Variants in SGPL1 observed in about 807,000 individuals in gnomAD.
SGPL1 encodes the protein SP-lyase 1.
SGPL1 carries 37 observed loss-of-function variants against 68.9 expected under a neutral mutation model. The observed-to-expected ratio is 0.54, with a 90% CI of 0.41 to 0.71. The LOEUF is 0.71. SGPL1 is among the 30% of genes least tolerant of loss of function. The probability of loss-of-function intolerance (pLI) is 0.00; values close to 1 mark genes in which losing one functional copy is unlikely to be tolerated. For synonymous variants in SGPL1, 236 were observed against 248.5 expected, an observed-to-expected ratio of 0.95 and a Z score of 0.47; for missense variants, 551 against 704.6, an observed-to-expected ratio of 0.78 and a Z score of 2.47.
chr10:70,852,272 A>G (rs1183814076), intron 4 of SGPL1, among the ~76,000 whole-genome samples: 1 of 152,222 alleles, frequency 6.6e-6, no homozygotes, highest in Non-Finnish European at 1.5e-5. Flanking sequence ...GCTGAAATCC[A>G]TTCAGATCGC....
At chr10:70,835,870 A>G (rs1414377087) in intron 2 of SGPL1, among the ~76,000 whole-genome samples, 1 of 152,220 alleles carries the variant, frequency 6.6e-6, no homozygotes, top group Non-Finnish European at 1.5e-5. Flanking sequence ...TCATTAGGGC[A>G]TTACTGTTTT....
intron 2 of SGPL1, among the ~76,000 whole-genome samples, chr10:70,838,111 A>T (rs1564620940): frequency 6.6e-6 from 1 of 152,180 alleles, no homozygotes; most frequent in Non-Finnish European, 1.5e-5. Context: ...TCAAATCATA[A>T]CAGGTAGTTA....
intron 7 of SGPL1, 35 bp from the exon 8 acceptor site, chr10:70,868,310 C>G (rs1261593264): frequency 6.8e-7 from 1 of 1,474,534 alleles, no homozygotes; most frequent in Non-Finnish European, 9.4e-7. Flanking sequence ...GCATTCCTGA[C>G]TCCCCCAACA....
chr10:70,849,109 T>C (rs1040089782), intron 3 of SGPL1, among the ~76,000 whole-genome samples: 3 of 152,196 alleles, frequency 2.0e-5, no homozygotes, highest in African/African-American at 7.2e-5. Context: ...TTCCACAAAA[T>C]TAGTTTATTC....
chr10:70,816,492 C>G (rs1203242754), intron 1 of SGPL1, among the ~76,000 whole-genome samples: 1 of 152,154 alleles, frequency 6.6e-6, no homozygotes, highest in Non-Finnish European at 1.5e-5. Flanking sequence ...CACCTTCAGC[C>G]CGGGTTAGGT....
intron 11 of SGPL1, among the ~76,000 whole-genome samples, chr10:70,872,346 A>G (rs1044156272): frequency 3.3e-5 from 5 of 152,152 alleles, no homozygotes. Flanking sequence ...GAGGGTTGGT[A>G]GTGGAGTTCC....
intron 7 of SGPL1, among the ~76,000 whole-genome samples, chr10:70,862,402 C>T (rs889061386): frequency 6.6e-6 from 1 of 152,114 alleles, no homozygotes; most frequent in African/African-American, 2.4e-5. Flanking sequence ...AATCAGCGCC[C>T]TGACAAAACA....
intron 6 of SGPL1, among the ~76,000 whole-genome samples, chr10:70,859,166 C>A (rs973403496): frequency 4.6e-5 from 7 of 152,210 alleles, no homozygotes; most frequent in African/African-American, 1.7e-4. Flanking sequence ...ATTTATACTT[C>A]TTTCCTCATC....
At chr10:70,820,529 C>T (rs1352057080) in intron 2 of SGPL1, 2 of 152,090 alleles carry the variant, frequency 1.3e-5, no homozygotes, top group Admixed American at 6.5e-5. Flanking sequence ...AATTCCAGCA[C>T]TTTGGGAGGC....
Position 70,868,361 on chromosome 10 carries a change from C to T in SGPL1, c.632C>T (p.Thr211Ile). ...TTATTATAGGTGACTTCTGGGGGAA[C>T]AGAAAGCATACTGATGGCCTGCAAA... The part of the protein sequence containing the change: ...DSCGCVTSGG[T>I]ESILMACKAY... Residue 211 changes from threonine (T) to isoleucine (I), a missense_variant, in exon 8 of 15, where the codon ACA (threonine) becomes ATA (isoleucine). Transcript: ENST00000373202. 1 of 1,612,010 alleles carries T rather than the reference C, an allele frequency of 6.2e-7. No individual in the cohort carries two copies. The highest frequency in any genetic ancestry group is 8.5e-7 in the Non-Finnish European group (1 of 1,179,008).
Position 70,868,543 on chromosome 10 carries a change from A to T in SGPL1, c.704+110A>T, listed in dbSNP as rs1589473584. On this transcript the variant is annotated intron_variant, in intron 8 of 14. Coordinates refer to ENST00000373202, the MANE Select transcript of SGPL1 (RefSeq NM_003901.4). ...TCCTGCTGCTTCTCTTCCTCTGGTAATTCTGGTCCCCTTTCCCCCTGTCCT... is the reference window on the plus strand; with the variant it reads ...TCCTGCTGCTTCTCTTCCTCTGGTATTTCTGGTCCCCTTTCCCCCTGTCCT... The T allele has an allele frequency of 4.0e-5, 34 of 855,140 alleles. No individual in the cohort carries two copies. In the East Asian group the frequency reaches 8.9e-4, roughly 22 times the overall value. 53.0% of individuals were successfully genotyped at this position (855,140 alleles called of 1,614,324 possible). A position where few individuals can be genotyped will look rare whatever the true frequency, so the allele number is the denominator to read the frequency against.
intron 9 of SGPL1, 24 bp downstream of exon 9, chr10:70,869,921 T>C (rs377303775): frequency 1.5e-5 from 23 of 1,583,842 alleles, no homozygotes; most frequent in Non-Finnish European, 2.0e-5. Context: ...GAGGGCCCAC[T>C]GTCTGTGCTG....
At chr10:70,839,346 A>ATTTT (rs10627063) in intron 2 of SGPL1, among the ~76,000 whole-genome samples, 3 of 151,064 alleles carry the variant, frequency 2.0e-5, no homozygotes, top group African/African-American at 7.3e-5. Flanking sequence ...TGGGCAAATA[A>ATTTT]TTTTTTTTTC....
intron 13 of SGPL1, among the ~76,000 whole-genome samples, chr10:70,876,228 G>A (rs552312316): frequency 1.3e-5 from 2 of 152,294 alleles, no homozygotes; most frequent in East Asian, 3.9e-4. Context: ...AGATAAAAGT[G>A]TCTCATTGAT....
chr10:70,853,245 G>C (rs1333710029), intron 4 of SGPL1, among the ~76,000 whole-genome samples: 1 of 152,216 alleles, frequency 6.6e-6, no homozygotes, highest in Non-Finnish European at 1.5e-5. Flanking sequence ...TTGCAGACAT[G>C]CTCGAAAGGA....
intron 2 of SGPL1, among the ~76,000 whole-genome samples, chr10:70,821,486 G>A (rs1845337008): frequency 6.6e-6 from 1 of 152,190 alleles, no homozygotes; most frequent in Non-Finnish European, 1.5e-5. Flanking sequence ...GTGCTAGGTG[G>A]GGTTTGAGTG....
At chr10:70,873,632 T>G (rs1454918384) in intron 12 of SGPL1, 43 bp downstream of exon 12, 1 of 1,474,790 alleles carries the variant, frequency 6.8e-7, no homozygotes, top group Non-Finnish European at 9.5e-7. Flanking sequence ...TATTGCTTTT[T>G]TGTCCTAGTA....
At chr10:70,861,577 T>C (rs1280372851) in intron 7 of SGPL1, among the ~76,000 whole-genome samples, 1 of 152,206 alleles carries the variant, frequency 6.6e-6, no homozygotes, top group Non-Finnish European at 1.5e-5. Context: ...CGCTGCACTG[T>C]AGGAGCCCCT....
At chr10:70,863,010 G>GGT (rs1197991464) in intron 7 of SGPL1, among the ~76,000 whole-genome samples, 1 of 151,942 alleles carries the variant, frequency 6.6e-6, no homozygotes, top group Non-Finnish European at 1.5e-5. Context: ...TTTGAGACAG[G>GGT]GTGTCACTCT....
Sources: gnomAD v4.1 joint callset for allele counts (sites outside exome capture counted in the v4.1 genomes callset) on GRCh38, gnomAD v4.1.1 for gene constraint, MANE v1.5 for transcripts, NCBI Gene and HGNC (gene_info 2026-07-23, HGNC 2026-07-21) for gene names.